Variants in CCDC158 observed in about 807,000 individuals in gnomAD.
The protein encoded by CCDC158 is coiled-coil domain containing 158.
CCDC158 carries 116 observed loss-of-function variants against 138.6 expected under a neutral mutation model. That is an observed-to-expected ratio of 0.84 (90% CI 0.72 to 0.98). CCDC158 has a LOEUF of 0.98. Among genes scored for constraint, CCDC158 ranks in the 50% least tolerant of loss-of-function variants. The probability of loss-of-function intolerance (pLI) is 0.00; values close to 1 mark genes in which losing one functional copy is unlikely to be tolerated. For missense variants in CCDC158, 1,265 were observed against 1,306.1 expected (o/e 0.97, Z 0.48); for synonymous variants, 436 against 442.4 (o/e 0.99, Z 0.18).
intron 4 of CCDC158, among the ~76,000 whole-genome samples, chr4:76,391,431 T>G (rs1445814397): frequency 6.6e-6 from 1 of 151,826 alleles, no homozygotes; most frequent in African/African-American, 2.4e-5. Flanking sequence ...AAATGACCAG[T>G]GAGTCAATGA....
In CCDC158 at chr4:76,384,661, T is replaced by C. The variant is rs762879119; in HGVS notation, c.293A>G (p.Asn98Ser). The change falls in exon 5 of 25, where the codon AAT becomes AGT. Residue 98 changes from asparagine to serine, a missense_variant. Coordinates refer to ENST00000682701, the MANE Select transcript of CCDC158 (RefSeq NM_001394954.1). Reference sequence around the variant, plus strand: ...AAACTTTTGTTTCTCATGCAATTCATTGCTCTGAAAAAAAAAGCCATGCAA... The same window carrying C: ...AAACTTTTGTTTCTCATGCAATTCACTGCTCTGAAAAAAAAAGCCATGCAA... ...KDLQRRLNES[N>S]ELHEKQKFYL... is the part of the protein sequence containing the mutation. 5.0e-6 allele frequency: 8 copies of C among 1,607,292 alleles called. No individual in the cohort carries two copies. Among genetic ancestry groups the C allele is most frequent in the Non-Finnish European group, 5.9e-6 (7 of 1,176,960 alleles).
At position 76,413,303 on chromosome 4, in the gene CCDC158, G is replaced by A. The variant is rs529260213; in HGVS notation, c.-116-1171C>T. Among the ~76,000 whole-genome samples the A allele has an allele frequency of 2.3e-4, 35 of 151,582 alleles. 1 individual carries two copies. Among genetic ancestry groups the A allele is most frequent in the Admixed American group, 5.3e-4 (8 of 15,218 alleles). ...AGCCTGGACAATATAGTGAGATCCC[G>A]TCTCTACAAAAAATTTTAAAAATTA... On this transcript the variant is annotated intron_variant, in intron 1 of 24. Coordinates refer to ENST00000682701, the MANE Select transcript of CCDC158 (RefSeq NM_001394954.1).
At position 76,384,317 on chromosome 4, in the gene CCDC158, T is replaced by C. The variant is rs749869044; in HGVS notation, c.497A>G (p.Lys166Arg). ...TTGCTCTATCTGTGTGTTGCTGTCT[T>C]TCAGCATGTCCTCTTTAAGGCATTT... ...AAKCLKEDML[K>R]DSNTQIEQLR... The change falls in exon 6 of 25, where the codon AAA (lysine) becomes AGA (arginine). Residue 166 changes from lysine to arginine, a missense_variant. Physicochemically the swap from Lys to Arg is conservative, Grantham distance 26. Coordinates refer to ENST00000682701, the MANE Select transcript of CCDC158 (RefSeq NM_001394954.1). The C allele has an allele frequency of 5.6e-6, 9 of 1,614,152 alleles. No homozygotes were observed. The South Asian group carries it at 9.9e-5, about 18-fold the overall frequency.
chr4:76,323,308 T>C lies in CCDC158; in HGVS notation c.3271A>G (p.Asn1091Asp). ...CCAAAAACGTACACTGTACCTTGGTTCTTCAGCTGTAAATCTTCTACCAGA... is the reference window on the plus strand; with the variant it reads ...CCAAAAACGTACACTGTACCTTGGTCCTTCAGCTGTAAATCTTCTACCAGA... ...QTLVEDLQLK[N>D]QAMSSMIRNQ... is the part of the protein sequence containing the mutation. The change falls in exon 24 of 25, where the codon AAC becomes GAC. Residue 1091 changes from asparagine to aspartate, a missense_variant. By Grantham distance (23) the Asn-to-Asp change is conservative. Transcript: ENST00000682701. 2.5e-6 allele frequency: 4 copies of C among 1,609,634 alleles called. No individual in the cohort carries two copies. Among genetic ancestry groups the C allele is most frequent in the Non-Finnish European group, 3.4e-6 (4 of 1,177,260 alleles).
intron 2 of CCDC158, among the ~76,000 whole-genome samples, chr4:76,407,985 A>T (rs1728967844): frequency 6.6e-6 from 1 of 152,042 alleles, no homozygotes. Context: ...TCAAAGGGGA[A>T]TTTTTTTCTT....
intron 20 of CCDC158, 41 bp downstream of exon 20, chr4:76,332,391 T>G: frequency 6.6e-7 from 1 of 1,505,466 alleles, no homozygotes; most frequent in African/African-American, 1.4e-5. Flanking sequence ...TATAAAATAT[T>G]TGGACAATTA....
At chr4:76,349,014 A>G (rs144057674) in intron 18 of CCDC158, among the ~76,000 whole-genome samples, 86 of 152,308 alleles carry the variant, frequency 5.6e-4, no homozygotes, top group African/African-American at 2.0e-3. Flanking sequence ...GGCACATGAT[A>G]GGCAAACTGT....
rs746529199 is a variant in CCDC158, at chr4:76,313,185, T to C, written c.3339A>G (p.Lys1113=). 58 of 1,604,410 alleles carry C rather than the reference T, an allele frequency of 3.6e-5. No individual in the cohort carries two copies. The highest frequency in any genetic ancestry group is 4.7e-5 in the Non-Finnish European group (55 of 1,174,484). The change falls in exon 25 of 25, where the codon AAA becomes AAG. Residue 1113 remains lysine, a synonymous_variant. Transcript: ENST00000682701. The stretch of plus-strand genomic sequence containing the variant: ...AAGCAACGAGTCATTTTAGTAACAT[T>C]TTTTCCTGGTCTTTTACTTTCTGTA... The part of the protein sequence containing the change: ...KRIQKVKDQE[K]MLLK
intron 24 of CCDC158, among the ~76,000 whole-genome samples, chr4:76,317,439 T>C (rs1262952110): frequency 6.6e-6 from 1 of 152,118 alleles, no homozygotes; most frequent in Non-Finnish European, 1.5e-5. Context: ...ATCACAATCC[T>C]AAATATATAT....
intron 18 of CCDC158, among the ~76,000 whole-genome samples, chr4:76,338,426 C>A (rs1051351906): frequency 6.6e-6 from 1 of 152,122 alleles, no homozygotes. Flanking sequence ...GCAGAAGAAT[C>A]GCTTGAACCT....
chr4:76,384,063 T>C, intron 6 of CCDC158, 25 bp downstream of exon 6: 1 of 1,438,254 alleles, frequency 7.0e-7, no homozygotes, highest in Non-Finnish European at 9.6e-7. Context: ...TATAAAATTA[T>C]TTAAGTAGCA....
At chr4:76,336,884 A>G (rs949674589) in intron 18 of CCDC158, among the ~76,000 whole-genome samples, 10 of 152,284 alleles carry the variant, frequency 6.6e-5, no homozygotes, top group African/African-American at 2.4e-4. Flanking sequence ...CAGGCAGTCA[A>G]CTCAGAATCC....
intron 13 of CCDC158, among the ~76,000 whole-genome samples, chr4:76,359,971 G>A (rs1011617415): frequency 1.3e-5 from 2 of 152,240 alleles, no homozygotes; most frequent in African/African-American, 4.8e-5. Flanking sequence ...TCCCCTCACT[G>A]GCCTGGAGGC....
At chr4:76,349,055 AAC>A (rs1164517379) in intron 18 of CCDC158, among the ~76,000 whole-genome samples, 16 of 152,190 alleles carry the variant, frequency 1.1e-4, no homozygotes, top group Admixed American at 1.0e-3. Context: ...AAATCTTGAA[AAC>A]AGTCAGAGAA....
chr4:76,412,612 C>T (rs1441469677), intron 1 of CCDC158, among the ~76,000 whole-genome samples: 1 of 152,094 alleles, frequency 6.6e-6, no homozygotes, highest in Non-Finnish European at 1.5e-5. Context: ...ATTAGCTGGC[C>T]ATGGTGGCAT....
rs1223911132 is a variant in CCDC158 at position 76,357,361 on chromosome 4, T to A, written c.2173+13A>T. The A allele has an allele frequency of 6.8e-7, 1 of 1,479,652 alleles. No homozygotes were observed. Among genetic ancestry groups the A allele is most frequent in the Non-Finnish European group, 9.0e-7 (1 of 1,116,676 alleles). 91.7% of individuals were successfully genotyped at this position (1,479,652 alleles called of 1,614,324 possible). A position where few individuals can be genotyped will look rare whatever the true frequency, so the allele number is the denominator to read the frequency against. On this transcript the variant is annotated intron_variant, in intron 14 of 24. Coordinates refer to ENST00000682701, the MANE Select transcript of CCDC158 (RefSeq NM_001394954.1). Reference sequence around the variant, plus strand: ...AAAACAGAAGAAAAAATTTTAAATCTAACAGAGCATACCATGACCATCAGA... The same window carrying A: ...AAAACAGAAGAAAAAATTTTAAATCAAACAGAGCATACCATGACCATCAGA...
At chr4:76,414,004 G>T (rs551283776) in intron 1 of CCDC158, among the ~76,000 whole-genome samples, 1 of 152,134 alleles carries the variant, frequency 6.6e-6, no homozygotes, top group Non-Finnish European at 1.5e-5. Flanking sequence ...TGCAGTGGTG[G>T]CTCAAGTGAT....
At chr4:76,366,951 C>T (rs1310750866) in intron 12 of CCDC158, among the ~76,000 whole-genome samples, 1 of 151,994 alleles carries the variant, frequency 6.6e-6, no homozygotes, top group East Asian at 1.9e-4. Flanking sequence ...AGCAAACAGT[C>T]CAATGTTTCA....
chr4:76,378,595 T>C (rs1327684445), intron 9 of CCDC158, among the ~76,000 whole-genome samples: 1 of 152,136 alleles, frequency 6.6e-6, no homozygotes, highest in African/African-American at 2.4e-5. Flanking sequence ...CCTTGGGTGA[T>C]CACCCTTCTC....
Sources: allele counts gnomAD v4.1 joint callset (sites outside exome capture counted in the v4.1 genomes callset), GRCh38; gene constraint gnomAD v4.1.1; transcripts MANE v1.5; gene names NCBI Gene and HGNC (gene_info 2026-07-23, HGNC 2026-07-21).